LRRC49: variants seen among roughly 807,000 people sequenced by gnomAD.
LRRC49 encodes leucine rich repeat containing 49, also known as leucine-rich repeat-containing protein 49.
LRRC49 carries 50 observed loss-of-function variants against 83.3 expected under a neutral mutation model. The ratio of observed to expected loss-of-function variants is 0.60; its 90% CI spans 0.48 to 0.76. LRRC49 has a LOEUF of 0.76. LRRC49 is among the 30% of genes least tolerant of loss of function. The probability of loss-of-function intolerance (pLI) is 0.00; values close to 1 mark genes in which losing one functional copy is unlikely to be tolerated. For synonymous variants in LRRC49, 286 were observed against 283.3 expected (o/e 1.01, Z -0.10); for missense variants, 704 against 809.1 (o/e 0.87, Z 1.58).
intron 10 of LRRC49, 25 bp from the exon 11 acceptor site, chr15:70,984,069 T>C (rs2037501013): frequency 6.2e-7 from 1 of 1,605,818 alleles, no homozygotes; most frequent in Admixed American, 1.7e-5. Flanking sequence ...TTATATAACT[T>C]TTGTCACAAT....
chr15:70,893,072 G>T lies in LRRC49; in HGVS notation c.48+130G>T, dbSNP rs991068119. The T allele has an allele frequency of 9.5e-6, 10 of 1,048,772 alleles. No individual in the cohort carries two copies. The African/African-American group carries it at 1.4e-4, about 15-fold the overall frequency. The allele number at this position is 1,048,772 out of a possible 1,614,324, so 65.0% of individuals were successfully genotyped here. A position where few individuals can be genotyped will look rare whatever the true frequency, so the allele number is the denominator to read the frequency against. On this transcript the variant is annotated intron_variant, in intron 1 of 15. Transcript: ENST00000260382. ...TCTACTCAAGCTATTGTCTGACCAG[G>T]GTTTGAGGTTCGTGGGCTGGACCAA...
chr15:70,879,270 C>A (rs565368120), intron 2 of LRRC49, among the ~76,000 whole-genome samples: 1 of 152,220 alleles, frequency 6.6e-6, no homozygotes, highest in Admixed American at 6.5e-5. Flanking sequence ...ACATTTTCCT[C>A]TTGGAATATA....
rs751521091 is a variant in LRRC49 at position 71,051,926 on chromosome 15, C to T, written c.*2314C>T. 9 of 152,502 alleles carry T rather than the reference C, an allele frequency of 5.9e-5. No homozygotes were observed. Among genetic ancestry groups the T allele is most frequent in the South Asian group, 2.1e-4 (1 of 4,836 alleles). 9.4% of individuals were successfully genotyped at this position (152,502 alleles called of 1,614,324 possible). A position where few individuals can be genotyped will look rare whatever the true frequency, so the allele number is the denominator to read the frequency against. On this transcript the variant is annotated 3_prime_UTR_variant, in exon 16 of 16. Coordinates refer to ENST00000260382, the MANE Select transcript of LRRC49 (RefSeq NM_017691.5). ...CTTCCTTCCTACCTGAGTTCCCTTT[C>T]GCTCCTACCTGCTCCCACTACCCCA...
chr15:70,895,144 C>A lies in LRRC49; in HGVS notation c.106-705C>A, dbSNP rs2033777169. On this transcript the variant is annotated intron_variant, in intron 2 of 15. Transcript: ENST00000260382. ...CAACATAATGTTTATAGTATGGATA[C>A]ATTAGAAGTATCTTAATTAATTCAA... Among the ~76,000 whole-genome samples, 3 of 152,042 alleles carry A rather than the reference C, an allele frequency of 2.0e-5. No individual in the cohort carries two copies. The South Asian group carries it at 6.2e-4, about 32-fold the overall frequency.
At chr15:71,005,967 G>C (rs1268317607) in intron 11 of LRRC49, among the ~76,000 whole-genome samples, 2 of 152,134 alleles carry the variant, frequency 1.3e-5, no homozygotes, top group Non-Finnish European at 2.9e-5. Context: ...ACATTGACCA[G>C]AGTTTAAGGC....
chr15:70,883,649 ATTT>A, intron 2 of LRRC49, among the ~76,000 whole-genome samples: 1 of 143,774 alleles, frequency 7.0e-6, no homozygotes. Context: ...GTGAAATGGA[ATTT>A]TTTTTTTTTT....
intron 11 of LRRC49, among the ~76,000 whole-genome samples, chr15:71,001,796 A>G (rs1344214474): frequency 6.6e-6 from 1 of 151,920 alleles, no homozygotes; most frequent in Non-Finnish European, 1.5e-5. Flanking sequence ...GGTTCACACC[A>G]TTCTCCTGCC....
intron 8 of LRRC49, 25 bp from the exon 9 acceptor site, chr15:70,963,760 C>T: frequency 6.2e-7 from 1 of 1,607,378 alleles, no homozygotes; most frequent in South Asian, 1.1e-5. Context: ...TCAGAATAAT[C>T]CAGTGGTTTC....
At chr15:70,976,820 A>G (rs1336369705) in intron 9 of LRRC49, among the ~76,000 whole-genome samples, 3 of 152,162 alleles carry the variant, frequency 2.0e-5, no homozygotes, top group Non-Finnish European at 2.9e-5. Flanking sequence ...CAACAGATTT[A>G]TAACTTATCT....
Position 70,963,852 on chromosome 15 carries a change from A to G in LRRC49, c.841A>G (p.Ile281Val). ...GGACATCACCTTTGATGGCAATCCC[A>G]TAGCTCAAGAGTCATGGTACAAACA... ...LSDITFDGNP[I>V]AQESWYKHTV... Residue 281 changes from isoleucine to valine, a missense_variant, in exon 9 of 16, where the codon ATA becomes GTA. Transcript: ENST00000260382. The G allele has an allele frequency of 1.2e-6, 2 of 1,613,670 alleles. No homozygotes were observed. Among genetic ancestry groups the G allele is most frequent in the East Asian group, 2.2e-5 (1 of 44,866 alleles).
intron 15 of LRRC49, among the ~76,000 whole-genome samples, chr15:71,043,892 A>AT (rs2039771232): frequency 6.6e-6 from 1 of 152,200 alleles, no homozygotes; most frequent in Admixed American, 6.5e-5. Flanking sequence ...CTAAATTATT[A>AT]TAAAAAATCT....
chr15:70,909,962 A>G (rs2034484916), intron 5 of LRRC49, among the ~76,000 whole-genome samples: 1 of 151,792 alleles, frequency 6.6e-6, no homozygotes, highest in African/African-American at 2.4e-5. Context: ...TAAATTCTAG[A>G]TAGGATAGTA....
At chr15:70,973,432 G>T (rs1423457012) in intron 9 of LRRC49, among the ~76,000 whole-genome samples, 1 of 152,184 alleles carries the variant, frequency 6.6e-6, no homozygotes, top group Non-Finnish European at 1.5e-5. Context: ...CCTGCTGGGA[G>T]GTATCTCCCC....
At chr15:70,860,981 G>A (rs976779382) in intron 1 of LRRC49, among the ~76,000 whole-genome samples, 27 of 152,272 alleles carry the variant, frequency 1.8e-4, no homozygotes, top group African/African-American at 5.1e-4. Context: ...TGGCCTTGTC[G>A]AACCCAAGGA....
chr15:71,001,206 T>C (rs1368196356), intron 11 of LRRC49, among the ~76,000 whole-genome samples: 1 of 152,216 alleles, frequency 6.6e-6, no homozygotes. Context: ...AGTTCTGATT[T>C]GGGTGGGGAG....
chr15:70,913,957 C>A (rs184257915), intron 6 of LRRC49, among the ~76,000 whole-genome samples: 161 of 151,852 alleles, frequency 1.1e-3, no homozygotes, highest in African/African-American at 3.7e-3. Context: ...TGTTAGCTGA[C>A]CTGTGTTATA....
At chr15:71,033,464 A>G (rs1205887731) in intron 14 of LRRC49, among the ~76,000 whole-genome samples, 1 of 152,222 alleles carries the variant, frequency 6.6e-6, no homozygotes, top group African/African-American at 2.4e-5. Flanking sequence ...CATACTGCCC[A>G]AAGCAATTTA....
intron 4 of LRRC49, among the ~76,000 whole-genome samples, chr15:70,902,947 T>C (rs1318372379): frequency 1.3e-5 from 2 of 152,198 alleles, no homozygotes; most frequent in African/African-American, 4.8e-5. Context: ...TTAAGCAGTA[T>C]ACAAGTGAGC....
intron 1 of LRRC49, among the ~76,000 whole-genome samples, chr15:70,862,087 C>T (rs1402326854): frequency 1.3e-5 from 2 of 152,124 alleles, no homozygotes; most frequent in African/African-American, 4.8e-5. Context: ...AGAATTTACA[C>T]AAAGCTGGAC....
Sources: allele counts gnomAD v4.1 joint callset (sites outside exome capture counted in the v4.1 genomes callset), GRCh38; gene constraint gnomAD v4.1.1; transcripts MANE v1.5; gene names NCBI Gene and HGNC (gene_info 2026-07-23, HGNC 2026-07-21).